TFDP2: variants seen among roughly 807,000 people sequenced by gnomAD.
TFDP2 encodes the protein transcription factor Dp-2 (E2F dimerization partner 2).
In TFDP2, 17 loss-of-function variants were observed where a neutral mutation model predicts 59.3. That is an observed-to-expected ratio of 0.29 (90% CI 0.20 to 0.43). The LOEUF is 0.43. Ranked by LOEUF, TFDP2 falls within the 20% of genes least tolerant of loss-of-function variation. TFDP2 has a pLI of 1.00. For synonymous variants in TFDP2, 180 were observed against 194.7 expected, an observed-to-expected ratio of 0.92 and a Z score of 0.63; for missense variants, 391 against 528.8, an observed-to-expected ratio of 0.74 and a Z score of 2.56.
At chr3:141,982,363 T>C (rs1941583627) in intron 6 of TFDP2, among the ~76,000 whole-genome samples, 2 of 151,970 alleles carry the variant, frequency 1.3e-5, no homozygotes, top group Admixed American at 6.6e-5. Context: ...CTCAACTTAG[T>C]GGTTATATGC....
At chr3:142,079,321 A>G (rs552490985) in intron 3 of TFDP2, among the ~76,000 whole-genome samples, 1 of 152,172 alleles carries the variant, frequency 6.6e-6, no homozygotes, top group East Asian at 1.9e-4. Flanking sequence ...AAAACAAAAA[A>G]CACACAATCA....
At chr3:142,077,923 C>A (rs1560119379) in intron 3 of TFDP2, among the ~76,000 whole-genome samples, 1 of 152,120 alleles carries the variant, frequency 6.6e-6, no homozygotes, top group Non-Finnish European at 1.5e-5. Flanking sequence ...CATTTCTGGA[C>A]CTACTCTGGA....
At chr3:141,953,776 T>TC (rs1178387254) in intron 11 of TFDP2, among the ~76,000 whole-genome samples, 1 of 106,958 alleles carries the variant, frequency 9.3e-6, no homozygotes, top group Admixed American at 1.1e-4. Context: ...ATGCTATCCC[T>TC]CCCCCCTCCC....
intron 7 of TFDP2, among the ~76,000 whole-genome samples, chr3:141,977,068 C>T (rs1220687558): frequency 7.1e-6 from 1 of 140,340 alleles, no homozygotes; most frequent in Non-Finnish European, 1.5e-5. Context: ...TAAATCAGTG[C>T]TCTAGAGAAA....
intron 1 of TFDP2, among the ~76,000 whole-genome samples, chr3:142,105,512 G>A (rs928665294): frequency 2.6e-5 from 4 of 152,124 alleles, no homozygotes; most frequent in African/African-American, 7.2e-5. Context: ...GGCTAGAGCT[G>A]CTTGTCTCCG....
chr3:141,994,878 G>T, intron 5 of TFDP2, 142 bp downstream of exon 5: 2 of 632,916 alleles, frequency 3.2e-6, no homozygotes, highest in Non-Finnish European at 5.0e-6. Context: ...AAGATATAAA[G>T]TGAAATAAAA....
intron 6 of TFDP2, among the ~76,000 whole-genome samples, chr3:141,991,322 C>G (rs1314707052): frequency 6.6e-6 from 1 of 152,032 alleles, no homozygotes; most frequent in Non-Finnish European, 1.5e-5. Context: ...AAATGTATTT[C>G]ATTTTAATAA....
Position 142,082,584 on chromosome 3 carries a change from G to T in TFDP2, c.82+10477C>A, listed in dbSNP as rs150348667. Among the ~76,000 whole-genome samples, 38 of 152,038 alleles carry T rather than the reference G, an allele frequency of 2.5e-4. No homozygotes were observed. The East Asian group carries it at 6.4e-3, about 26-fold the overall frequency. On this transcript the variant is annotated intron_variant, in intron 3 of 12. Coordinates refer to ENST00000489671, the MANE Select transcript of TFDP2 (RefSeq NM_001178139.2). The stretch of plus-strand genomic sequence containing the variant: ...AAACATCAAAAAAAGAAAACTACAG[G>T]CAAATATCCCTGATGTACACTGATG...
intron 1 of TFDP2, among the ~76,000 whole-genome samples, chr3:142,124,048 A>C (rs1261572793): frequency 6.6e-6 from 1 of 152,152 alleles, no homozygotes; most frequent in Admixed American, 6.5e-5. Flanking sequence ...ATAGAAAAAA[A>C]CAAGAAAAAA....
At chr3:142,048,998 C>T (rs987022114) in intron 3 of TFDP2, among the ~76,000 whole-genome samples, 3 of 152,088 alleles carry the variant, frequency 2.0e-5, no homozygotes, top group African/African-American at 4.8e-5. Context: ...TATGAAATAA[C>T]GAATATGAAG....
chr3:142,104,156 G>C (rs1225533198), intron 1 of TFDP2, among the ~76,000 whole-genome samples: 3 of 152,122 alleles, frequency 2.0e-5, no homozygotes, highest in African/African-American at 7.2e-5. Flanking sequence ...GCTTACAGTA[G>C]TTGTACAATG....
At chr3:141,993,973 G>A (rs1406169786) in intron 5 of TFDP2, among the ~76,000 whole-genome samples, 1 of 152,256 alleles carries the variant, frequency 6.6e-6, no homozygotes, top group Non-Finnish European at 1.5e-5. Flanking sequence ...GGCCAGCACT[G>A]CTGGCACAGG....
intron 2 of TFDP2, among the ~76,000 whole-genome samples, chr3:142,098,783 A>C (rs2061239680): frequency 6.6e-6 from 1 of 152,184 alleles, no homozygotes. Flanking sequence ...GACAAGTATT[A>C]TGAGGCCAAT....
intron 4 of TFDP2, chr3:142,000,167 T>G (rs941173756): frequency 1.5e-5 from 10 of 647,764 alleles, no homozygotes; most frequent in Non-Finnish European, 2.2e-5. Flanking sequence ...CACCTTAGAC[T>G]GGGTAATTAA....
intron 10 of TFDP2, among the ~76,000 whole-genome samples, chr3:141,963,555 T>G (rs1001578194): frequency 6.6e-6 from 1 of 152,084 alleles, no homozygotes; most frequent in African/African-American, 2.4e-5. Flanking sequence ...ACGTCATAGG[T>G]TGGGCCCAGA....
At chr3:142,066,960 A>G (rs959608029) in intron 3 of TFDP2, among the ~76,000 whole-genome samples, 3 of 152,216 alleles carry the variant, frequency 2.0e-5, no homozygotes, top group Non-Finnish European at 4.4e-5. Flanking sequence ...AAAACCATTC[A>G]TGTATAAAAT....
intron 3 of TFDP2, among the ~76,000 whole-genome samples, chr3:142,006,348 C>T (rs1171127985): frequency 6.6e-6 from 1 of 152,114 alleles, no homozygotes; most frequent in African/African-American, 2.4e-5. Flanking sequence ...AAGGCCAACA[C>T]TAAAACCCTG....
At chr3:142,079,386 G>A (rs2060563984) in intron 3 of TFDP2, among the ~76,000 whole-genome samples, 1 of 152,102 alleles carries the variant, frequency 6.6e-6, no homozygotes, top group African/African-American at 2.4e-5. Flanking sequence ...ACAAGATCTA[G>A]AAAATAGCCT....
chr3:142,055,770 A>G (rs952780604), intron 3 of TFDP2, among the ~76,000 whole-genome samples: 4 of 152,122 alleles, frequency 2.6e-5, no homozygotes, highest in Admixed American at 2.6e-4. Context: ...AAGCTTATAT[A>G]TAAAGTGATA....
Sources: allele counts gnomAD v4.1 joint callset (sites outside exome capture counted in the v4.1 genomes callset), GRCh38; gene constraint gnomAD v4.1.1; transcripts MANE v1.5; gene names NCBI Gene and HGNC (gene_info 2026-07-23, HGNC 2026-07-21).